ST6GALNAC3: variants seen among roughly 807,000 people sequenced by gnomAD.
ST6GALNAC3 encodes ST6 N-acetylgalactosaminide alpha-2,6-sialyltransferase 3.
Under a neutral mutation model 32.7 loss-of-function variants are expected in ST6GALNAC3, and 25 were observed. The ratio of observed to expected loss-of-function variants is 0.76; its 90% CI spans 0.56 to 1.07. ST6GALNAC3 has a LOEUF of 1.07. Ranked by LOEUF, ST6GALNAC3 falls within the 50% of genes least tolerant of loss-of-function variation. The pLI is 0.00. For missense variants in ST6GALNAC3, 355 were observed against 382.4 expected, an observed-to-expected ratio of 0.93 and a Z score of 0.60; for synonymous variants, 129 against 133.1, an observed-to-expected ratio of 0.97 and a Z score of 0.21.
At chr1:76,561,440 T>A (rs559271180) in intron 3 of ST6GALNAC3, among the ~76,000 whole-genome samples, 2 of 152,268 alleles carry the variant, frequency 1.3e-5, no homozygotes, top group South Asian at 4.1e-4. Flanking sequence ...ATTATTACAA[T>A]GTAATTTAAA....
chr1:76,137,035 G>A (rs570668851), intron 1 of ST6GALNAC3, among the ~76,000 whole-genome samples: 1 of 152,298 alleles, frequency 6.6e-6, no homozygotes, highest in South Asian at 2.1e-4. Flanking sequence ...TTGGTTTAGT[G>A]ATCTGGTCAA....
chr1:76,104,531 T>C (rs1205126675), intron 1 of ST6GALNAC3, among the ~76,000 whole-genome samples: 2 of 151,970 alleles, frequency 1.3e-5, no homozygotes, highest in East Asian at 3.9e-4. Context: ...CTCCTCAATA[T>C]GTCGTTAGGG....
Position 76,628,709 on chromosome 1 carries a change from A to T in ST6GALNAC3, c.821A>T (p.Tyr274Phe). The T allele has an allele frequency of 6.2e-7, 1 of 1,612,514 alleles. No homozygotes were observed. The highest frequency in any genetic ancestry group is 2.2e-5 in the East Asian group (1 of 44,836). ...TATTTTCTTCATGAACATGCCCCAT[A>T]TGGGGGTCATAGGTTTATCACTGAA... ...DEYFLHEHAPYGGHRFITEKK... is the reference protein window; with the variant it reads ...DEYFLHEHAPFGGHRFITEKK... The change falls in exon 5 of 5, where the codon TAT becomes TTT. Residue 274 changes from tyrosine to phenylalanine, a missense_variant. Coordinates refer to ENST00000328299, the MANE Select transcript of ST6GALNAC3 (RefSeq NM_152996.4).
At chr1:76,232,869 G>A (rs1656449747) in intron 1 of ST6GALNAC3, among the ~76,000 whole-genome samples, 1 of 152,212 alleles carries the variant, frequency 6.6e-6, no homozygotes, top group Non-Finnish European at 1.5e-5. Flanking sequence ...ACTGTCAGCT[G>A]AGTGTGTAAT....
chr1:76,461,329 G>A (rs1444161184), intron 3 of ST6GALNAC3, among the ~76,000 whole-genome samples: 1 of 152,104 alleles, frequency 6.6e-6, no homozygotes, highest in South Asian at 2.1e-4. Context: ...GTGGTTGCCC[G>A]TGGCAGACTT....
intron 1 of ST6GALNAC3, among the ~76,000 whole-genome samples, chr1:76,209,252 T>C (rs1478828300): frequency 1.3e-5 from 2 of 152,238 alleles, no homozygotes; most frequent in Non-Finnish European, 2.9e-5. Context: ...GAGTGCTTCT[T>C]GAAGCCCCTG....
At chr1:76,480,205 TG>T (rs1659631668) in intron 3 of ST6GALNAC3, among the ~76,000 whole-genome samples, 1 of 152,230 alleles carries the variant, frequency 6.6e-6, no homozygotes, top group Admixed American at 6.5e-5. Flanking sequence ...ACTACTGAAC[TG>T]AAATAGATTT....
intron 3 of ST6GALNAC3, among the ~76,000 whole-genome samples, chr1:76,558,124 C>T (rs1390081987): frequency 3.3e-5 from 5 of 152,142 alleles, no homozygotes; most frequent in African/African-American, 1.2e-4. Flanking sequence ...GAAAAGGGAA[C>T]ACTTATACAC....
chr1:76,139,920 C>T (rs1650210468), intron 1 of ST6GALNAC3, among the ~76,000 whole-genome samples: 1 of 152,192 alleles, frequency 6.6e-6, no homozygotes, highest in Non-Finnish European at 1.5e-5. Context: ...CATGAATAAG[C>T]TCTGAATCCT....
chr1:76,310,323 G>A (rs756067684), intron 1 of ST6GALNAC3, among the ~76,000 whole-genome samples: 1 of 152,092 alleles, frequency 6.6e-6, no homozygotes, highest in Non-Finnish European at 1.5e-5. Context: ...TTGCAATGTT[G>A]TGGACATAAT....
intron 2 of ST6GALNAC3, among the ~76,000 whole-genome samples, chr1:76,381,906 T>C (rs932391497): frequency 2.6e-5 from 4 of 152,096 alleles, no homozygotes; most frequent in Non-Finnish European, 4.4e-5. Flanking sequence ...AGCAGTGAGA[T>C]ACTGAGAAGC....
chr1:76,392,559 CT>C (rs1652647695), intron 2 of ST6GALNAC3, among the ~76,000 whole-genome samples: 1 of 152,120 alleles, frequency 6.6e-6, no homozygotes, highest in African/African-American at 2.4e-5. Flanking sequence ...TGGCTTATCA[CT>C]TTCCCTTAAT....
At chr1:76,558,432 C>A (rs1016546693) in intron 3 of ST6GALNAC3, among the ~76,000 whole-genome samples, 3 of 152,128 alleles carry the variant, frequency 2.0e-5, no homozygotes, top group African/African-American at 7.2e-5. Flanking sequence ...AAATATTGCC[C>A]TTTGCAGCAA....
At chr1:76,112,459 G>A (rs1325473702) in intron 1 of ST6GALNAC3, among the ~76,000 whole-genome samples, 2 of 150,406 alleles carry the variant, frequency 1.3e-5, no homozygotes, top group South Asian at 2.1e-4. Flanking sequence ...GCGGCTGGCC[G>A]GGCGGGGGGC....
chr1:76,184,495 T>C (rs12083141), intron 1 of ST6GALNAC3, among the ~76,000 whole-genome samples: 30,395 of 147,454 alleles, frequency 0.21, 3,260 homozygotes, highest in African/African-American at 0.24. Context: ...GCCAAGATCG[T>C]GCCACTGCAT....
chr1:76,616,376 T>C (rs1057139949), intron 3 of ST6GALNAC3, among the ~76,000 whole-genome samples: 2 of 152,186 alleles, frequency 1.3e-5, no homozygotes, highest in Admixed American at 6.5e-5. Context: ...TCTACCTTAA[T>C]GGGCAATCAG....
At chr1:76,586,884 A>C (rs1230342989) in intron 3 of ST6GALNAC3, among the ~76,000 whole-genome samples, 1 of 152,180 alleles carries the variant, frequency 6.6e-6, no homozygotes, top group Non-Finnish European at 1.5e-5. Flanking sequence ...GAATCTATCC[A>C]TGGTGCCTTT....
At chr1:76,456,866 G>C (rs12088394) in intron 3 of ST6GALNAC3, among the ~76,000 whole-genome samples, 1 of 151,982 alleles carries the variant, frequency 6.6e-6, no homozygotes, top group Non-Finnish European at 1.5e-5. Context: ...AATTAGGCAG[G>C]AGAAGGAAAT....
chr1:76,591,495 A>G (rs1647047919), intron 3 of ST6GALNAC3, among the ~76,000 whole-genome samples: 1 of 152,186 alleles, frequency 6.6e-6, no homozygotes, highest in African/African-American at 2.4e-5. Context: ...TATCCTGGAC[A>G]TACATCATGG....
Sources: gnomAD v4.1 joint callset for allele counts (sites outside exome capture counted in the v4.1 genomes callset) on GRCh38, gnomAD v4.1.1 for gene constraint, MANE v1.5 for transcripts, NCBI Gene and HGNC (gene_info 2026-07-23, HGNC 2026-07-21) for gene names.